Variants in ADRA2C observed in about 807,000 individuals in gnomAD.
ADRA2C encodes the protein alpha-2C adrenergic receptor.
ADRA2C carries 4 observed loss-of-function variants against 7.9 expected under a neutral mutation model. The ratio of observed to expected loss-of-function variants is 0.51; its 90% CI spans 0.25 to 1.16. The LOEUF (loss-of-function observed/expected upper bound fraction) is 1.16, where lower values mean the gene tolerates loss of function less well. Ranked by LOEUF, ADRA2C falls within the 50% of genes most tolerant of loss-of-function variation. The pLI is 0.15. For synonymous variants in ADRA2C, 368 were observed against 328.9 expected, an observed-to-expected ratio of 1.12 and a Z score of -1.29; for missense variants, 589 against 677.7, an observed-to-expected ratio of 0.87 and a Z score of 1.45.
Position 3,768,117 on chromosome 4 carries a change from G to A in ADRA2C, c.*122G>A. The A allele has an allele frequency of 3.0e-6, 3 of 1,001,524 alleles. No homozygotes were observed. Among genetic ancestry groups the A allele is most frequent in the Non-Finnish European group, 4.5e-6 (3 of 663,884 alleles). The allele number at this position is 1,001,524 out of a possible 1,614,324, so 62.0% of individuals were successfully genotyped here. On this transcript the variant is annotated 3_prime_UTR_variant, in exon 1 of 1. Coordinates refer to ENST00000330055, the MANE Select transcript of ADRA2C (RefSeq NM_000683.4). ...ATTGGCCTCCAGGGCGCAGGGGAGGGTGCGGCAGGGCAGGAGCTTGGCAGA... is the reference window on the plus strand; with the variant it reads ...ATTGGCCTCCAGGGCGCAGGGGAGGATGCGGCAGGGCAGGAGCTTGGCAGA...
rs1229612221 is a variant in ADRA2C at position 3,766,728 on chromosome 4, C to T, written c.122C>T (p.Pro41Leu). 7 of 1,472,974 alleles carry T rather than the reference C, an allele frequency of 4.8e-6. No homozygotes were observed. Among genetic ancestry groups the T allele is most frequent in the South Asian group, 4.2e-5 (3 of 70,612 alleles). The allele number at this position is 1,472,974 out of a possible 1,614,324, so 91.2% of individuals were successfully genotyped here. A position where few individuals can be genotyped will look rare whatever the true frequency, so the allele number is the denominator to read the frequency against. Residue 41 changes from proline to leucine, a missense_variant, in exon 1 of 1, where the codon CCG becomes CTG. Physicochemically the swap from Pro to Leu is moderately conservative, Grantham distance 98. Coordinates refer to ENST00000330055, the MANE Select transcript of ADRA2C (RefSeq NM_000683.4). The surrounding 1 kb of genome is among the most constrained non-coding windows in gnomAD (Gnocchi z 4.5). ...AATGCCTCGGGGGCTTCCTGGGGGC[C>T]GCCGCGCGGCCAGTACTCGGCGGGC... ...VANASGASWG[P>L]PRGQYSAGAV...
Position 3,767,863 on chromosome 4 carries a change from C to T in ADRA2C, c.1257C>T (p.Phe419=), listed in dbSNP as rs377618192. ...CCTGCCAGGTGCCCGGCCCGCTCTT[C>T]AAGTTCTTCTTCTGGATCGGCTACT... ...REACQVPGPL[F]KFFFWIGYCN... is the part of the protein sequence containing the mutation. The change falls in exon 1 of 1, where the codon TTC becomes TTT. Residue 419 remains phenylalanine (F), a synonymous_variant. Transcript: ENST00000330055. 5 of 1,613,116 alleles carry T rather than the reference C, an allele frequency of 3.1e-6. No individual in the cohort carries two copies. The highest frequency in any genetic ancestry group is 4.2e-6 in the Non-Finnish European group (5 of 1,179,942).
Position 3,766,498 on chromosome 4 carries a change from C to T in ADRA2C, c.-109C>T, listed in dbSNP as rs555411274. 4,406 of 829,428 alleles carry T rather than the reference C, an allele frequency of 5.3e-3. 160 individuals are homozygous for T. In the African/African-American group the frequency reaches 0.073, roughly 14 times the overall value. 51.4% of individuals were successfully genotyped at this position (829,428 alleles called of 1,614,324 possible). ...TGGGCGCCGCGGTCCCCGGCGGGCG[C>T]GCCCGAGCAGCAGGCGGCGATGCGG... is the stretch of plus-strand genomic sequence containing the variant. On this transcript the variant is annotated 5_prime_UTR_variant, in exon 1 of 1. Coordinates refer to ENST00000330055, the MANE Select transcript of ADRA2C (RefSeq NM_000683.4). The surrounding 1 kb of genome is among the most constrained non-coding windows in gnomAD (Gnocchi z 4.5).
rs1179072733 is a variant in ADRA2C, at chr4:3,767,497, CCGGGGCGCGTTGCGG to C, written c.899_913del (p.Ala300_Gly304del). The stretch of plus-strand genomic sequence containing the variant: ...GCGCAGCGGCCGAGAGGCGGCGGCG[CCGGGGCGCGTTGCGG>C]CGGGGCGGGCGGCGGCGAGCGGGCG... On this transcript the variant is annotated inframe_deletion, in exon 1 of 1. Coordinates refer to ENST00000330055, the MANE Select transcript of ADRA2C (RefSeq NM_000683.4). 1.6e-5 allele frequency: 18 copies of C among 1,158,262 alleles called. No individual in the cohort carries two copies. The highest frequency in any genetic ancestry group is 1.9e-5 in the Non-Finnish European group (18 of 941,704). The allele number at this position is 1,158,262 out of a possible 1,614,324, so 71.7% of individuals were successfully genotyped here.
rs2108688460 is a variant in ADRA2C, at chr4:3,767,827, C to T, written c.1221C>T (p.Ile407=). 2 of 1,613,236 alleles carry T rather than the reference C, an allele frequency of 1.2e-6. No homozygotes were observed. Among genetic ancestry groups the T allele is most frequent in the Non-Finnish European group, 1.7e-6 (2 of 1,179,880 alleles). ...PFFFSYSLYG[I]CREACQVPGP... ...TCTTCAGCTACAGCCTGTACGGCATCTGCCGCGAGGCCTGCCAGGTGCCCG... is the reference window on the plus strand; with the variant it reads ...TCTTCAGCTACAGCCTGTACGGCATTTGCCGCGAGGCCTGCCAGGTGCCCG... The change falls in exon 1 of 1, where the codon ATC becomes ATT. Residue 407 remains isoleucine, a synonymous_variant. Coordinates refer to ENST00000330055, the MANE Select transcript of ADRA2C (RefSeq NM_000683.4).
chr4:3,767,245 C>G lies in ADRA2C; in HGVS notation c.639C>G (p.Ser213=), dbSNP rs111370723. Reference sequence around the variant, plus strand: ...ACGACGAGACCTGGTACATCCTGTCCTCCTGCATCGGCTCCTTCTTCGCGC... The same window carrying G: ...ACGACGAGACCTGGTACATCCTGTCGTCCTGCATCGGCTCCTTCTTCGCGC... ...GLNDETWYIL[S]SCIGSFFAPC... is the part of the protein sequence containing the mutation. The change falls in exon 1 of 1, where the codon TCC becomes TCG. Residue 213 remains serine (S), a synonymous_variant. Transcript: ENST00000330055. The G allele has an allele frequency of 2.1e-4, 333 of 1,609,750 alleles. 1 individual carries two copies. The African/African-American group carries it at 3.8e-3, about 18-fold the overall frequency.
Position 3,766,635 on chromosome 4 carries a change from T to C in ADRA2C, c.29T>C (p.Leu10Pro). ...GCGTCCCCGGCGCTGGCGGCGGCGC[T>C]GGCGGTGGCGGCAGCGGCGGGCCCC... The part of the protein sequence containing the change: MASPALAAA[L>P]AVAAAAGPNA... The change falls in exon 1 of 1, where the codon CTG becomes CCG. Residue 10 changes from leucine (L) to proline (P), a missense_variant. Physicochemically the swap from Leu to Pro is moderately conservative, Grantham distance 98. Coordinates refer to ENST00000330055, the MANE Select transcript of ADRA2C (RefSeq NM_000683.4). This position sits in a 1 kb window ranked among gnomAD's most constrained non-coding sequence, Gnocchi z 4.5. 59 of 1,213,630 alleles carry C rather than the reference T, an allele frequency of 4.9e-5. No individual in the cohort carries two copies. The highest frequency in any genetic ancestry group is 6.0e-5 in the Non-Finnish European group (59 of 977,930). 75.2% of individuals were successfully genotyped at this position (1,213,630 alleles called of 1,614,324 possible).
In ADRA2C at chr4:3,768,071, T is replaced by TTCCCAGAGACCCGGGGAGCTC. The variant is rs149519379; in HGVS notation, c.*93_*94insGCTCTCCCAGAGACCCGGGGA. 0.27 allele frequency: 393,537 copies of TTCCCAGAGACCCGGGGAGCTC among 1,464,332 alleles called. 66,956 individuals are homozygous for TTCCCAGAGACCCGGGGAGCTC. The highest frequency in any genetic ancestry group is 0.65 in the African/African-American group (45,518 of 69,666). 90.7% of individuals were successfully genotyped at this position (1,464,332 alleles called of 1,614,324 possible). On this transcript the variant is annotated 3_prime_UTR_variant, in exon 1 of 1. Coordinates refer to ENST00000330055, the MANE Select transcript of ADRA2C (RefSeq NM_000683.4). ...AAGGGGCGGCCCGGACGGGGGAGCT[T>TTCCCAGAGACCCGGGGAGCTC]TCCCAGAGACCCGGGGATGGATTGG...
At position 3,768,187 on chromosome 4, in the gene ADRA2C, C is replaced by T. The variant is rs1263414645; in HGVS notation, c.*192C>T. 6.8e-6 allele frequency: 5 copies of T among 732,404 alleles called. No homozygotes were observed. The highest frequency in any genetic ancestry group is 1.2e-5 in the Non-Finnish European group (5 of 402,046). The allele number at this position is 732,404 out of a possible 1,614,324, so 45.4% of individuals were successfully genotyped here. On this transcript the variant is annotated 3_prime_UTR_variant, in exon 1 of 1. Transcript: ENST00000330055. Reference sequence around the variant, plus strand: ...GAGTGGGGAGGAGAGAGGGGGAGACCCCTTTGCCTTCCCCCCTCAGCAAGG... The same window carrying T: ...GAGTGGGGAGGAGAGAGGGGGAGACTCCTTTGCCTTCCCCCCTCAGCAAGG...
In ADRA2C at chr4:3,767,973, G is replaced by C; in HGVS notation, c.1367G>C (p.Arg456Thr). ...TTTAAGCACATCCTCTTCCGACGGAGGAGAAGGGGCTTCAGGCAGTGACTC... is the reference window on the plus strand; with the variant it reads ...TTTAAGCACATCCTCTTCCGACGGACGAGAAGGGGCTTCAGGCAGTGACTC... ...RSFKHILFRR[R>T]RRGFRQ The change falls in exon 1 of 1, where the codon AGG becomes ACG. Residue 456 changes from arginine to threonine, a missense_variant. Physicochemically the swap from Arg to Thr is moderately conservative, Grantham distance 71 (BLOSUM62 -1). Transcript: ENST00000330055. The C allele has an allele frequency of 6.2e-7, 1 of 1,608,900 alleles. No individual in the cohort carries two copies. Among genetic ancestry groups the C allele is most frequent in the Non-Finnish European group, 8.5e-7 (1 of 1,179,198 alleles).
rs915538779 is a variant in ADRA2C at position 3,767,738 on chromosome 4, A to C, written c.1132A>C (p.Lys378Gln). 1.9e-6 allele frequency: 3 copies of C among 1,612,240 alleles called. No individual in the cohort carries two copies. Among genetic ancestry groups the C allele is most frequent in the Non-Finnish European group, 2.5e-6 (3 of 1,179,550 alleles). Reference sequence around the variant, plus strand: ...CCGCAAGGTGGCCCAGGCGCGCGAGAAGCGCTTCACCTTTGTGCTGGCTGT... The same window carrying C: ...CCGCAAGGTGGCCCAGGCGCGCGAGCAGCGCTTCACCTTTGTGCTGGCTGT... ...CRRKVAQARE[K>Q]RFTFVLAVVM... Residue 378 changes from lysine (K) to glutamine (Q), a missense_variant, in exon 1 of 1, where the codon AAG becomes CAG. Lys to Gln is a moderately conservative substitution (Grantham distance 53, BLOSUM62 1). Coordinates refer to ENST00000330055, the MANE Select transcript of ADRA2C (RefSeq NM_000683.4).
Position 3,768,089 on chromosome 4 carries a change from T to TCTCCCAGAGACCCG in ADRA2C, c.*94_*95insCTCCCAGAGACCCG. ...GGGAGCTTTCCCAGAGACCCGGGGA[T>TCTCCCAGAGACCCG]GGATTGGCCTCCAGGGCGCAGGGGA... On this transcript the variant is annotated 3_prime_UTR_variant, in exon 1 of 1. Coordinates refer to ENST00000330055, the MANE Select transcript of ADRA2C (RefSeq NM_000683.4). 14 of 117,632 alleles carry TCTCCCAGAGACCCG rather than the reference T, an allele frequency of 1.2e-4. No individual in the cohort carries two copies. Among genetic ancestry groups the TCTCCCAGAGACCCG allele is most frequent in the Non-Finnish European group, 1.8e-4 (11 of 60,652 alleles). The allele number at this position is 117,632 out of a possible 1,614,324, so 7.3% of individuals were successfully genotyped here. A position where few individuals can be genotyped will look rare whatever the true frequency, so the allele number is the denominator to read the frequency against.
Position 3,767,629 on chromosome 4 carries a change from C to T in ADRA2C, c.1023C>T (p.Pro341=). 5 of 1,364,076 alleles carry T rather than the reference C, an allele frequency of 3.7e-6. No individual in the cohort carries two copies. The highest frequency in any genetic ancestry group is 4.7e-6 in the Non-Finnish European group (5 of 1,067,308). 84.5% of individuals were successfully genotyped at this position (1,364,076 alleles called of 1,614,324 possible). ...TGACCGCCTCCAGGTCCCCGGGGCC[C>T]GGTGGCCGCCTGTCGCGCGCCAGCT... The part of the protein sequence containing the change: ...GALTASRSPG[P]GGRLSRASSR... Residue 341 remains proline, a synonymous_variant, in exon 1 of 1, where the codon CCC becomes CCT. Coordinates refer to ENST00000330055, the MANE Select transcript of ADRA2C (RefSeq NM_000683.4).
Position 3,766,515 on chromosome 4 carries a change from G to A in ADRA2C, c.-92G>A, listed in dbSNP as rs1381437452. ...GGCGGGCGCGCCCGAGCAGCAGGCG[G>A]CGATGCGGGCGCCGACCCCGGCTGG... is the stretch of plus-strand genomic sequence containing the variant. On this transcript the variant is annotated 5_prime_UTR_variant, in exon 1 of 1. Transcript: ENST00000330055. The surrounding 1 kb of genome is among the most constrained non-coding windows in gnomAD (Gnocchi z 4.5). 40 of 932,226 alleles carry A rather than the reference G, an allele frequency of 4.3e-5. No homozygotes were observed. Among genetic ancestry groups the A allele is most frequent in the Non-Finnish European group, 4.7e-5 (37 of 779,180 alleles). 57.7% of individuals were successfully genotyped at this position (932,226 alleles called of 1,614,324 possible). A position where few individuals can be genotyped will look rare whatever the true frequency, so the allele number is the denominator to read the frequency against.
chr4:3,766,493 G>T lies in ADRA2C; in HGVS notation c.-114G>T, dbSNP rs535567221. 4.8e-3 allele frequency: 3,782 copies of T among 780,086 alleles called. 125 individuals are homozygous for T. In the African/African-American group the frequency reaches 0.067, roughly 14 times the overall value. 48.3% of individuals were successfully genotyped at this position (780,086 alleles called of 1,614,324 possible). ...GCTGCTGGGCGCCGCGGTCCCCGGCGGGCGCGCCCGAGCAGCAGGCGGCGA... is the reference window on the plus strand; with the variant it reads ...GCTGCTGGGCGCCGCGGTCCCCGGCTGGCGCGCCCGAGCAGCAGGCGGCGA... On this transcript the variant is annotated 5_prime_UTR_variant, in exon 1 of 1. Transcript: ENST00000330055. The surrounding 1 kb of genome is among the most constrained non-coding windows in gnomAD (Gnocchi z 4.5).
At position 3,768,314 on chromosome 4, in the gene ADRA2C, T is replaced by C. The variant is rs540788525; in HGVS notation, c.*319T>C. ...GAGAGCAGTGGCAGAGGTAGCCCCC[T>C]AAATGGGCAAGCAAGGAGCCCCCCA... On this transcript the variant is annotated 3_prime_UTR_variant, in exon 1 of 1. Transcript: ENST00000330055. 3.9e-4 allele frequency: 277 copies of C among 716,862 alleles called. No individual in the cohort carries two copies. In the African/African-American group the frequency reaches 4.1e-3, roughly 11 times the overall value. The allele number at this position is 716,862 out of a possible 1,614,324, so 44.4% of individuals were successfully genotyped here.
Position 3,767,404 on chromosome 4 carries a change from G to C in ADRA2C, c.798G>C (p.Ala266=). 1 of 1,533,536 alleles carries C rather than the reference G, an allele frequency of 6.5e-7. No homozygotes were observed. The highest frequency in any genetic ancestry group is 1.2e-5 in the South Asian group (1 of 83,706). The allele number at this position is 1,533,536 out of a possible 1,614,324, so 95.0% of individuals were successfully genotyped here. A position where few individuals can be genotyped will look rare whatever the true frequency, so the allele number is the denominator to read the frequency against. ...ASPTTENGLG[A]AAGAGENGHC... The stretch of plus-strand genomic sequence containing the variant: ...CGACTACCGAAAACGGGCTGGGCGC[G>C]GCGGCAGGCGCAGGCGAGAACGGGC... Residue 266 remains alanine (A), a synonymous_variant, in exon 1 of 1, where the codon GCG becomes GCC. Transcript: ENST00000330055.
In ADRA2C at chr4:3,768,314, TA is replaced by T. The variant is rs746505159; in HGVS notation, c.*322del. On this transcript the variant is annotated 3_prime_UTR_variant, in exon 1 of 1. Transcript: ENST00000330055. ...GAGAGCAGTGGCAGAGGTAGCCCCCTAAATGGGCAAGCAAGGAGCCCCCCAA... is the reference window on the plus strand; with the variant it reads ...GAGAGCAGTGGCAGAGGTAGCCCCCTAATGGGCAAGCAAGGAGCCCCCCAA... The T allele has an allele frequency of 1.1e-5, 8 of 716,862 alleles. No homozygotes were observed. Among genetic ancestry groups the T allele is most frequent in the South Asian group, 3.0e-5 (2 of 67,564 alleles). 44.4% of individuals were successfully genotyped at this position (716,862 alleles called of 1,614,324 possible). A position where few individuals can be genotyped will look rare whatever the true frequency, so the allele number is the denominator to read the frequency against.
rs1463465718 is a variant in ADRA2C at position 3,766,605 on chromosome 4, C to T, written c.-2C>T. The T allele has an allele frequency of 2.5e-6, 3 of 1,184,800 alleles. No individual in the cohort carries two copies. In the East Asian group the frequency reaches 1.1e-4, roughly 45 times the overall value. 73.4% of individuals were successfully genotyped at this position (1,184,800 alleles called of 1,614,324 possible). ...AGGGACGGCGTAGCTCGCGGGAGGA[C>T]CATGGCGTCCCCGGCGCTGGCGGCG... On this transcript the variant is annotated 5_prime_UTR_variant, in exon 1 of 1. Coordinates refer to ENST00000330055, the MANE Select transcript of ADRA2C (RefSeq NM_000683.4). The surrounding 1 kb of genome is among the most constrained non-coding windows in gnomAD (Gnocchi z 4.5).
Sources: allele counts gnomAD v4.1 joint callset, GRCh38; gene constraint gnomAD v4.1.1; non-coding constraint Gnocchi (gnomAD v3.1); transcripts MANE v1.5; gene names NCBI Gene and HGNC (gene_info 2026-07-23, HGNC 2026-07-21).